H3C6: variants seen among roughly 807,000 people sequenced by gnomAD.
H3C6 encodes the protein histone H3.1.
Under a neutral mutation model 8.0 loss-of-function variants are expected in H3C6, and 17 were observed. The observed-to-expected ratio is 2.13, with a 90% CI of 1.46 to 3.19. The LOEUF (loss-of-function observed/expected upper bound fraction) is 3.19. H3C6 is among the 30% of genes most tolerant of loss of function. The pLI, the probability that H3C6 is intolerant of heterozygous loss-of-function variation, is 0.00. For synonymous variants in H3C6, 169 were observed against 78.0 expected, an observed-to-expected ratio of 2.17 and a Z score of -6.15; for missense variants, 298 against 193.8, an observed-to-expected ratio of 1.54 and a Z score of -3.19.
Position 26,225,495 on chromosome 6 carries a change from A to G in H3C6, c.341A>G (p.His114Arg), listed in dbSNP as rs1759516406. The change falls in exon 1 of 1, where the codon CAT (histidine) becomes CGT (arginine). Residue 114 changes from histidine (H) to arginine (R), a missense_variant. Transcript: ENST00000614911. ...LFEDTNLCAI[H>R]AKRVTIMPKD... is the part of the protein sequence containing the mutation. ...GAGGACACCAACCTGTGCGCTATTCATGCCAAACGCGTGACCATCATGCCT... is the reference window on the plus strand; with the variant it reads ...GAGGACACCAACCTGTGCGCTATTCGTGCCAAACGCGTGACCATCATGCCT... 5 of 1,614,124 alleles carry G rather than the reference A, an allele frequency of 3.1e-6. No homozygotes were observed. Among genetic ancestry groups the G allele is most frequent in the African/African-American group, 1.3e-5 (1 of 74,944 alleles).
chr6:26,225,117 A>T (rs1272817494), upstream of H3C6: 5 of 1,522,466 alleles, frequency 3.3e-6, no homozygotes, highest in Non-Finnish European at 4.4e-6. Context: ...TAGAGGGGCA[A>T]ACCAATCTTC....
At chr6:26,224,681 G>A (rs1182356567), upstream of H3C6, among the ~76,000 whole-genome samples, 3 of 152,088 alleles carry the variant, frequency 2.0e-5, no homozygotes, top group Non-Finnish European at 2.9e-5. Context: ...AATTAGCCTT[G>A]TACTCTATAA....
In H3C6 at chr6:26,225,285, C is replaced by T. The variant is rs773798961; in HGVS notation, c.131C>T (p.Pro44Leu). Reference sequence around the variant, plus strand: ...GTGAAGAAGCCCCATCGCTACCGCCCTGGCACCGTGGCTCTGCGCGAGATC... The same window carrying T: ...GTGAAGAAGCCCCATCGCTACCGCCTTGGCACCGTGGCTCTGCGCGAGATC... ...GGVKKPHRYR[P>L]GTVALREIRR... The change falls in exon 1 of 1, where the codon CCT (proline) becomes CTT (leucine). Residue 44 changes from proline to leucine, a missense_variant. By Grantham distance (98) the Pro-to-Leu change is moderately conservative. Coordinates refer to ENST00000614911, the MANE Select transcript of H3C6 (RefSeq NM_003532.3). 10 of 1,614,226 alleles carry T rather than the reference C, an allele frequency of 6.2e-6. No individual in the cohort carries two copies. Among genetic ancestry groups the T allele is most frequent in the South Asian group, 4.4e-5 (4 of 91,078 alleles).
upstream of H3C6, chr6:26,224,806 T>C (rs571201294): frequency 6.1e-6 from 1 of 163,094 alleles, no homozygotes; most frequent in South Asian, 1.9e-4. Context: ...GGAAAAAAAA[T>C]TCTAAAGCAC....
downstream of H3C6, chr6:26,226,342 T>C (rs539810755): frequency 6.6e-6 from 1 of 151,162 alleles, no homozygotes; most frequent in East Asian, 1.9e-4. Flanking sequence ...TTGATATCTT[T>C]TGTTTGCTTT....
rs765032936 is a variant in H3C6, at chr6:26,225,220, C to A, written c.66C>A (p.Ala22=). The change falls in exon 1 of 1, where the codon GCC becomes GCA. Residue 22 remains alanine, a synonymous_variant. Coordinates refer to ENST00000614911, the MANE Select transcript of H3C6 (RefSeq NM_003532.3). ...TGGKAPRKQL[A]TKAARKSAPA... is the part of the protein sequence containing the mutation. ...GTAAAGCACCGCGCAAACAGCTGGCCACTAAGGCAGCTCGCAAGAGCGCTC... is the reference window on the plus strand; with the variant it reads ...GTAAAGCACCGCGCAAACAGCTGGCAACTAAGGCAGCTCGCAAGAGCGCTC... 3 of 1,610,168 alleles carry A rather than the reference C, an allele frequency of 1.9e-6. No individual in the cohort carries two copies. The Admixed American group carries it at 5.0e-5, about 27-fold the overall frequency.
chr6:26,224,680 T>C (rs929943632), upstream of H3C6, among the ~76,000 whole-genome samples: 5 of 152,198 alleles, frequency 3.3e-5, no homozygotes, highest in East Asian at 9.6e-4. Context: ...GAATTAGCCT[T>C]GTACTCTATA....
chr6:26,224,983 C>T, upstream of H3C6: 1 of 671,898 alleles, frequency 1.5e-6, no homozygotes, highest in Admixed American at 3.3e-5. Context: ...TCCAAATTTA[C>T]CAATCAGAAT....
chr6:26,225,033 C>T (rs1765595277), upstream of H3C6: 3 of 1,064,048 alleles, frequency 2.8e-6, no homozygotes, highest in South Asian at 3.7e-5. Context: ...ATCTCTACGG[C>T]CACTTCCGGA....
rs202067024 is a variant in H3C6 at position 26,225,429 on chromosome 6, C to T, written c.275C>T (p.Ala92Val). 1.9e-6 allele frequency: 3 copies of T among 1,614,232 alleles called. No individual in the cohort carries two copies. Among genetic ancestry groups the T allele is most frequent in the Non-Finnish European group, 1.7e-6 (2 of 1,180,042 alleles). ...CGCTTCCAGAGTTCCGCGGTGATGG[C>T]GCTGCAGGAGGCCTGCGAGGCCTAC... Reference protein sequence around the residue: ...DLRFQSSAVMALQEACEAYLV... With the variant: ...DLRFQSSAVMVLQEACEAYLV... The change falls in exon 1 of 1, where the codon GCG becomes GTG. Residue 92 changes from alanine (A) to valine (V), a missense_variant. Ala to Val is a moderately conservative substitution (Grantham distance 64). Transcript: ENST00000614911.
Position 26,225,558 on chromosome 6 carries a change from G to T in H3C6, c.404G>T (p.Arg135Met). Residue 135 changes from arginine (R) to methionine (M), a missense_variant, in exon 1 of 1, where the codon AGG (arginine) becomes ATG (methionine). Transcript: ENST00000614911. Reference protein sequence around the residue: ...IQLARRIRGERA With the variant: ...IQLARRIRGEMA ...CTTGCCCGCCGCATTCGTGGGGAGA[G>T]GGCGTGAATTGTTTTGAGTACAAAC... The T allele has an allele frequency of 6.2e-7, 1 of 1,612,840 alleles. No individual in the cohort carries two copies. The highest frequency in any genetic ancestry group is 8.5e-7 in the Non-Finnish European group (1 of 1,179,354).
downstream of H3C6, chr6:26,227,056 GAGATTTAT>G (rs1759587782): frequency 6.6e-6 from 1 of 152,198 alleles, no homozygotes; most frequent in Non-Finnish European, 1.5e-5. Context: ...AGAAGTCCTG[GAGATTTAT>G]GGAAGAAATT....
chr6:26,225,085 T>C (rs558725409), upstream of H3C6: 1 of 1,468,262 alleles, frequency 6.8e-7, no homozygotes, highest in Admixed American at 2.4e-5. Context: ...CACAATCCAA[T>C]CAGAGTGATT....
chr6:26,225,469 C>A lies in H3C6; in HGVS notation c.315C>A (p.Phe105Leu), dbSNP rs200762279. 2.5e-6 allele frequency: 4 copies of A among 1,614,118 alleles called. No individual in the cohort carries two copies. The African/African-American group carries it at 5.3e-5, about 22-fold the overall frequency. Residue 105 changes from phenylalanine to leucine, a missense_variant, in exon 1 of 1, where the codon TTC (phenylalanine) becomes TTA (leucine). Transcript: ENST00000614911. ...GCGAGGCCTACTTGGTGGGGCTTTT[C>A]GAGGACACCAACCTGTGCGCTATTC... ...EACEAYLVGL[F>L]EDTNLCAIHA...
chr6:26,225,673 C>G, downstream of H3C6: 4 of 1,287,640 alleles, frequency 3.1e-6, no homozygotes, highest in South Asian at 5.8e-5. Context: ...CTAAACTGCA[C>G]TGATCCAAAT....
chr6:26,225,723 C>T (rs1373173972), downstream of H3C6: 2 of 965,012 alleles, frequency 2.1e-6, no homozygotes, highest in Admixed American at 3.1e-5. Flanking sequence ...CTCGATGCTT[C>T]ATTTAAATTT....
At position 26,225,144 on chromosome 6, in the gene H3C6, G is replaced by A. The variant is rs777583347; in HGVS notation, c.-11G>A. On this transcript the variant is annotated 5_prime_UTR_variant, in exon 1 of 1. Transcript: ENST00000614911. ...CCAATCTTCCTAACTCATTTACTTT[G>A]CAGATGAACTATGGCGCGTACTAAG... 7.2e-6 allele frequency: 11 copies of A among 1,534,202 alleles called. No homozygotes were observed. The highest frequency in any genetic ancestry group is 1.4e-5 in the African/African-American group (1 of 72,072).
upstream of H3C6, among the ~76,000 whole-genome samples, chr6:26,224,700 G>C (rs1319977388): frequency 6.6e-6 from 1 of 152,106 alleles, no homozygotes; most frequent in Admixed American, 6.5e-5. Context: ...AATGAAACGA[G>C]GAATCATTGA....
rs1172336068 is a variant in H3C6 at position 26,225,165 on chromosome 6, C to G, written c.11C>G (p.Thr4Ser). Reference protein sequence around the residue: MARTKQTARKSTGG... With the variant: MARSKQTARKSTGG... The stretch of plus-strand genomic sequence containing the variant: ...CTTTGCAGATGAACTATGGCGCGTA[C>G]TAAGCAGACGGCTCGTAAATCCACA... The change falls in exon 1 of 1, where the codon ACT (threonine) becomes AGT (serine). Residue 4 changes from threonine to serine, a missense_variant. Coordinates refer to ENST00000614911, the MANE Select transcript of H3C6 (RefSeq NM_003532.3). 1.3e-6 allele frequency: 2 copies of G among 1,567,808 alleles called. No individual in the cohort carries two copies. The highest frequency in any genetic ancestry group is 2.2e-5 in the East Asian group (1 of 44,640).
Sources: gnomAD v4.1 joint callset for allele counts (sites outside exome capture counted in the v4.1 genomes callset) on GRCh38, gnomAD v4.1.1 for gene constraint, MANE v1.5 for transcripts, NCBI Gene and HGNC (gene_info 2026-07-23, HGNC 2026-07-21) for gene names.